Variants in FARS2 observed in about 807,000 individuals in gnomAD.
FARS2 encodes the protein phenylalanine--tRNA ligase, mitochondrial.
Under a neutral mutation model 46.4 loss-of-function variants are expected in FARS2, and 40 were observed. That is an observed-to-expected ratio of 0.86 (90% CI 0.67 to 1.12). The LOEUF (loss-of-function observed/expected upper bound fraction) is 1.12. FARS2 is among the 50% of genes most tolerant of loss of function. The pLI is 0.00. For synonymous variants in FARS2, 234 were observed against 214.9 expected (o/e 1.09, Z -0.78); for missense variants, 513 against 567.9 (o/e 0.90, Z 0.98).
intron 6 of FARS2, among the ~76,000 whole-genome samples, chr6:5,728,751 G>A (rs929925686): frequency 2.0e-5 from 3 of 152,154 alleles, no homozygotes; most frequent in Non-Finnish European, 4.4e-5. Context: ...AGCCTCCCGC[G>A]GTCGGGTTTC....
intron 2 of FARS2, among the ~76,000 whole-genome samples, chr6:5,375,990 T>C (rs1032937195): frequency 6.6e-6 from 1 of 152,130 alleles, no homozygotes; most frequent in Non-Finnish European, 1.5e-5. Flanking sequence ...TGTTAAAACA[T>C]CTGCCTAATA....
intron 1 of FARS2, among the ~76,000 whole-genome samples, chr6:5,362,927 CTTTTTT>C (rs55686418): frequency 3.2e-5 from 4 of 124,226 alleles, no homozygotes; most frequent in Non-Finnish European, 6.6e-5. Flanking sequence ...TTCTTTCTTT[CTTTTTT>C]TTTTTTTTTT....
Position 5,716,011 on chromosome 6 carries a change from T to C in FARS2, c.1218-55280T>C, listed in dbSNP as rs1261983518. 2.6e-5 allele frequency among the ~76,000 whole-genome samples: 4 copies of C among 152,248 alleles called. No homozygotes were observed. The East Asian group carries it at 7.7e-4, about 29-fold the overall frequency. On this transcript the variant is annotated intron_variant, in intron 6 of 6. Coordinates refer to ENST00000274680, the MANE Select transcript of FARS2 (RefSeq NM_006567.5). ...TTTTTATTATAGCCATCCTAGTGGC[T>C]ACAAAGTGTTACCTCATTCTAATTT...
chr6:5,650,258 T>G (rs1407203782), intron 6 of FARS2, among the ~76,000 whole-genome samples: 1 of 72,540 alleles, frequency 1.4e-5, no homozygotes, highest in Non-Finnish European at 2.6e-5. Flanking sequence ...GGGCCACATT[T>G]CTTTTTTTTT....
At chr6:5,338,694 T>A (rs529150131) in intron 1 of FARS2, among the ~76,000 whole-genome samples, 60 of 152,236 alleles carry the variant, frequency 3.9e-4, no homozygotes, top group African/African-American at 1.3e-3. Flanking sequence ...TTTAGTAGTC[T>A]GTAGCTTTCA....
chr6:5,359,030 C>CTTTTTTTT (rs397888425), intron 1 of FARS2, among the ~76,000 whole-genome samples: 1 of 45,406 alleles, frequency 2.2e-5, no homozygotes, highest in African/African-American at 8.0e-5. Flanking sequence ...AAAAGATACC[C>CTTTTTTTT]TTTTTTTTTT....
chr6:5,377,033 A>G (rs1247330379), intron 2 of FARS2, among the ~76,000 whole-genome samples: 1 of 152,204 alleles, frequency 6.6e-6, no homozygotes, highest in South Asian at 2.1e-4. Context: ...TGAGACTTAC[A>G]TGTTTGAGAA....
At chr6:5,322,953 A>G (rs1770087798) in intron 1 of FARS2, among the ~76,000 whole-genome samples, 1 of 152,154 alleles carries the variant, frequency 6.6e-6, no homozygotes. Flanking sequence ...TCATCATTTC[A>G]CAGCGATAGC....
intron 4 of FARS2, among the ~76,000 whole-genome samples, chr6:5,470,482 A>G (rs1436894236): frequency 6.6e-6 from 1 of 152,204 alleles, no homozygotes; most frequent in Non-Finnish European, 1.5e-5. Context: ...CTCTACACCA[A>G]ACTCGTATTT....
chr6:5,340,991 C>G (rs1771517422), intron 1 of FARS2, among the ~76,000 whole-genome samples: 3 of 151,016 alleles, frequency 2.0e-5, no homozygotes, highest in Admixed American at 6.6e-5. Context: ...GCTAAAAATA[C>G]AAAAAAATTA....
intron 5 of FARS2, 113 bp from the exon 6 acceptor site, chr6:5,613,056 A>AATGATGT: frequency 1.2e-6 from 1 of 814,694 alleles, no homozygotes; most frequent in Non-Finnish European, 2.0e-6. Context: ...TAGATGCTGA[A>AATGATGT]ATGATGTTTT....
chr6:5,340,876 G>A (rs1052121709), intron 1 of FARS2, among the ~76,000 whole-genome samples: 2 of 151,870 alleles, frequency 1.3e-5, no homozygotes, highest in African/African-American at 4.8e-5. Flanking sequence ...GGCCGGGCGC[G>A]GTGGCTCACG....
At chr6:5,538,988 G>C (rs1770395664) in intron 4 of FARS2, among the ~76,000 whole-genome samples, 1 of 152,072 alleles carries the variant, frequency 6.6e-6, no homozygotes, top group African/African-American at 2.4e-5. Flanking sequence ...CAGGTGGTGG[G>C]ATTTTATGTG....
chr6:5,341,268 G>T (rs1771632109), intron 1 of FARS2, among the ~76,000 whole-genome samples: 1 of 72,926 alleles, frequency 1.4e-5, no homozygotes. Flanking sequence ...CCCTGTGAGA[G>T]CAGTTGTTTT....
rs59218577 is a variant in FARS2, at chr6:5,366,760, T to C, written c.-21-1790T>C. Among the ~76,000 whole-genome samples, 512 of 152,344 alleles carry C rather than the reference T, an allele frequency of 3.4e-3. 4 individuals carry two copies. The highest frequency in any genetic ancestry group is 0.012 in the African/African-American group (486 of 41,578). On this transcript the variant is annotated intron_variant, in intron 1 of 6. Transcript: ENST00000274680. ...CCTTTCCGAGAACAATTCTGAACTT[T>C]GTCTAACACATATGCCTTTGGGAGG...
chr6:5,273,848 A>G (rs964239930), intron 1 of FARS2, among the ~76,000 whole-genome samples: 7 of 152,150 alleles, frequency 4.6e-5, no homozygotes, highest in African/African-American at 1.4e-4. Context: ...TGATTTTTGT[A>G]TATGGTGAGA....
intron 1 of FARS2, among the ~76,000 whole-genome samples, chr6:5,299,676 C>T (rs1768148950): frequency 6.6e-6 from 1 of 151,328 alleles, no homozygotes; most frequent in Admixed American, 6.6e-5. Flanking sequence ...TAATGCTATC[C>T]CTCCCCCAGC....
At chr6:5,494,721 T>A (rs1767344836) in intron 4 of FARS2, among the ~76,000 whole-genome samples, 1 of 152,208 alleles carries the variant, frequency 6.6e-6, no homozygotes, top group Admixed American at 6.5e-5. Context: ...CTTGCTGTAT[T>A]GCCTGCACAA....
chr6:5,531,039 C>T (rs1769794739), intron 4 of FARS2, among the ~76,000 whole-genome samples: 1 of 151,964 alleles, frequency 6.6e-6, no homozygotes, highest in Non-Finnish European at 1.5e-5. Context: ...ACTGCAGCTC[C>T]AGGCATTATA....
Sources: allele counts gnomAD v4.1 joint callset (sites outside exome capture counted in the v4.1 genomes callset), GRCh38; gene constraint gnomAD v4.1.1; transcripts MANE v1.5; gene names NCBI Gene and HGNC (gene_info 2026-07-23, HGNC 2026-07-21).